The following VIT variants were observed in gnomAD, a reference collection of about 807,000 sequenced individuals.
VIT encodes vitrin.
VIT carries 99 observed loss-of-function variants against 78.0 expected under a neutral mutation model. The observed-to-expected ratio is 1.27, with a 90% CI of 1.08 to 1.50. The LOEUF is 1.50. Among genes scored for constraint, VIT ranks in the 40% most tolerant of loss-of-function variants. The pLI is 0.00. For missense variants in VIT, 1,126 were observed against 875.3 expected, an observed-to-expected ratio of 1.29 and a Z score of -3.61; for synonymous variants, 374 against 334.3, an observed-to-expected ratio of 1.12 and a Z score of -1.29.
At chr2:36,748,773 G>A (rs144446829) in intron 4 of VIT, among the ~76,000 whole-genome samples, 54 of 152,328 alleles carry the variant, frequency 3.5e-4, no homozygotes, top group African/African-American at 1.3e-3. Flanking sequence ...CAGCAACTTC[G>A]TGCAAGGTTG....
intron 4 of VIT, among the ~76,000 whole-genome samples, chr2:36,744,018 A>G (rs892136497): frequency 7.2e-5 from 11 of 151,882 alleles, no homozygotes; most frequent in African/African-American, 2.4e-4. Context: ...ATCCATGAGT[A>G]CTCCATACTT....
At chr2:36,748,451 A>G (rs1047833709) in intron 4 of VIT, among the ~76,000 whole-genome samples, 1 of 151,716 alleles carries the variant, frequency 6.6e-6, no homozygotes, top group African/African-American at 2.4e-5. Context: ...TTTTTTCTTT[A>G]TTTTTGTCTG....
chr2:36,805,761 G>T (rs908260364), intron 14 of VIT, 97 bp downstream of exon 14: 3 of 1,321,612 alleles, frequency 2.3e-6, no homozygotes, highest in African/African-American at 1.5e-5. Flanking sequence ...CTTTAAATGT[G>T]CATGAAGCTC....
At chr2:36,708,313 G>A (rs144442427) in intron 1 of VIT, among the ~76,000 whole-genome samples, 232 of 152,264 alleles carry the variant, frequency 1.5e-3, no homozygotes, top group East Asian at 0.01. Flanking sequence ...CTTATAACTC[G>A]TAAATGTTTC....
rs1481181574 is a variant in VIT at position 36,754,944 on chromosome 2, G to A, written c.299G>A (p.Gly100Glu). ...AGTGGTGTGCTTGATAATTCAGGAG[G>A]GAAAATACTTGTTCGGAAGGTTGCT... ...VHSGVLDNSGGKILVRKVAGQ... is the reference protein window; with the variant it reads ...VHSGVLDNSGEKILVRKVAGQ... Residue 100 changes from glycine (G) to glutamate (E), a missense_variant, in exon 5 of 16, where the codon GGG becomes GAG. Physicochemically the swap from Gly to Glu is moderately conservative, Grantham distance 98 (BLOSUM62 -2). Transcript: ENST00000379242. 6.2e-7 allele frequency: 1 copy of A among 1,613,758 alleles called. No homozygotes were observed. Among genetic ancestry groups the A allele is most frequent in the Non-Finnish European group, 8.5e-7 (1 of 1,179,914 alleles).
chr2:36,710,795 T>A (rs1665754351), intron 1 of VIT, among the ~76,000 whole-genome samples: 1 of 152,234 alleles, frequency 6.6e-6, no homozygotes, highest in Non-Finnish European at 1.5e-5. Context: ...AATGTGTTTA[T>A]CCATTTATCT....
At chr2:36,793,548 G>A (rs1377309935) in intron 12 of VIT, among the ~76,000 whole-genome samples, 1 of 152,176 alleles carries the variant, frequency 6.6e-6, no homozygotes, top group East Asian at 1.9e-4. Context: ...ACCCTCAAGG[G>A]ACAAGTCTGC....
intron 3 of VIT, among the ~76,000 whole-genome samples, chr2:36,734,368 A>G (rs187502309): frequency 1.3e-5 from 2 of 152,198 alleles, no homozygotes; most frequent in Admixed American, 1.3e-4. Flanking sequence ...AGGAGAAGGT[A>G]GTTTGGTAGT....
intron 2 of VIT, among the ~76,000 whole-genome samples, chr2:36,726,834 A>G: frequency 6.7e-6 from 1 of 149,738 alleles, no homozygotes; most frequent in Non-Finnish European, 1.5e-5. Flanking sequence ...AAAAAAAAAA[A>G]AAAAAAAAAC....
intron 2 of VIT, among the ~76,000 whole-genome samples, chr2:36,721,859 C>T (rs770314596): frequency 1.4e-4 from 22 of 152,220 alleles, no homozygotes; most frequent in Non-Finnish European, 3.2e-4. Context: ...CTAAGCACTT[C>T]CTTGGTGTCC....
intron 1 of VIT, among the ~76,000 whole-genome samples, chr2:36,698,564 T>C (rs1221058532): frequency 6.6e-6 from 1 of 152,204 alleles, no homozygotes; most frequent in Non-Finnish European, 1.5e-5. Context: ...TAGCAATGCC[T>C]GTACACCCTC....
At chr2:36,734,518 T>G (rs919958710) in intron 3 of VIT, among the ~76,000 whole-genome samples, 20 of 152,132 alleles carry the variant, frequency 1.3e-4, no homozygotes, top group Non-Finnish European at 2.1e-4. Context: ...TGTTGCCTGG[T>G]AGCAGATAAG....
intron 2 of VIT, 90 bp from the exon 3 acceptor site, chr2:36,729,336 T>G (rs1667051541): frequency 1.8e-6 from 2 of 1,141,368 alleles, no homozygotes; most frequent in South Asian, 3.2e-5. Context: ...GGAGAATACT[T>G]TGTGGATGAT....
intron 4 of VIT, among the ~76,000 whole-genome samples, chr2:36,744,016 G>T (rs1030697752): frequency 2.0e-5 from 3 of 151,976 alleles, no homozygotes; most frequent in Non-Finnish European, 4.4e-5. Flanking sequence ...GCATCCATGA[G>T]TACTCCATAC....
intron 4 of VIT, among the ~76,000 whole-genome samples, chr2:36,743,923 T>C (rs919245550): frequency 3.3e-5 from 5 of 152,040 alleles, no homozygotes; most frequent in African/African-American, 1.2e-4. Context: ...GAAGTGAGCA[T>C]AGTATTAAAT....
chr2:36,727,860 C>T (rs1666947628), intron 2 of VIT, among the ~76,000 whole-genome samples: 1 of 152,192 alleles, frequency 6.6e-6, no homozygotes, highest in Admixed American at 6.5e-5. Context: ...ATAGCACATA[C>T]CATCATGTAC....
chr2:36,814,535 T>G lies in VIT; in HGVS notation c.*174T>G, dbSNP rs1667428463. 2.5e-6 allele frequency: 2 copies of G among 808,192 alleles called. No individual in the cohort carries two copies. The highest frequency in any genetic ancestry group is 3.7e-6 in the Non-Finnish European group (2 of 535,798). The allele number at this position is 808,192 out of a possible 1,614,324, so 50.1% of individuals were successfully genotyped here. On this transcript the variant is annotated 3_prime_UTR_variant, in exon 16 of 16. Coordinates refer to ENST00000379242, the MANE Select transcript of VIT (RefSeq NM_053276.4). ...TTTTTCATATTCCAAAACTTGGAGT[T>G]ACAAAGATGATCACAAACGTATAGA...
At chr2:36,805,755 A>C in intron 14 of VIT, 91 bp downstream of exon 14, 1 of 1,371,884 alleles carries the variant, frequency 7.3e-7, no homozygotes, top group Non-Finnish European at 1.0e-6. Context: ...CCATGCCTTT[A>C]AATGTGCATG....
chr2:36,724,084 T>C (rs938600158), intron 2 of VIT, among the ~76,000 whole-genome samples: 2 of 151,946 alleles, frequency 1.3e-5, no homozygotes, highest in Middle Eastern at 3.4e-3. Flanking sequence ...AGTGGTGCGA[T>C]CTCGGCTCAT....
Sources: allele counts gnomAD v4.1 joint callset (sites outside exome capture counted in the v4.1 genomes callset), GRCh38; gene constraint gnomAD v4.1.1; transcripts MANE v1.5; gene names NCBI Gene and HGNC (gene_info 2026-07-23, HGNC 2026-07-21).